The following GRIN2B variants were observed in gnomAD, a reference collection of about 807,000 sequenced individuals.
GRIN2B encodes glutamate receptor ionotropic, NMDA 2B.
GRIN2B carries 5 observed loss-of-function variants against 114.5 expected under a neutral mutation model. The observed-to-expected ratio is 0.04, with a 90% CI of 0.02 to 0.09. The LOEUF is 0.09. Ranked by LOEUF, GRIN2B falls within the 10% of genes least tolerant of loss-of-function variation. The pLI is 1.00. For missense variants in GRIN2B, 1,108 were observed against 1,943.5 expected, an observed-to-expected ratio of 0.57 and a Z score of 8.08; for synonymous variants, 787 against 745.1, an observed-to-expected ratio of 1.06 and a Z score of -0.92.
At chr12:13,645,140 T>A (rs1219538547) in intron 5 of GRIN2B, among the ~76,000 whole-genome samples, 1 of 152,130 alleles carries the variant, frequency 6.6e-6, no homozygotes, top group Non-Finnish European at 1.5e-5. Flanking sequence ...CTAAGCTTAA[T>A]CATTTCTAGC....
chr12:13,607,203 A>T (rs1343469239), intron 10 of GRIN2B, among the ~76,000 whole-genome samples: 1 of 109,330 alleles, frequency 9.1e-6, no homozygotes, highest in African/African-American at 3.7e-5. Flanking sequence ...AAATATATAT[A>T]ATATATAAAA....
chr12:13,735,430 C>A (rs1450205764), intron 4 of GRIN2B, among the ~76,000 whole-genome samples: 1 of 152,160 alleles, frequency 6.6e-6, no homozygotes, highest in Non-Finnish European at 1.5e-5. Context: ...GGGTCTCATT[C>A]CTTTGTGAAG....
rs962401026 is a variant in GRIN2B at position 13,589,351 on chromosome 12, G to C, written c.2011-17387C>G. ...TCCAAGTTGAACAAGGGGCTTACAA[G>C]GTGATTGAGGGTGGCAGTTTCTAGA... On this transcript the variant is annotated intron_variant, in intron 10 of 13. Coordinates refer to ENST00000609686, the MANE Select transcript of GRIN2B (RefSeq NM_000834.5). Among the ~76,000 whole-genome samples, 19 of 152,296 alleles carry C rather than the reference G, an allele frequency of 1.2e-4. No homozygotes were observed. In the East Asian group the frequency reaches 3.7e-3, roughly 29 times the overall value.
At chr12:13,891,250 G>A (rs1241877344) in intron 2 of GRIN2B, among the ~76,000 whole-genome samples, 1 of 152,042 alleles carries the variant, frequency 6.6e-6, no homozygotes. Flanking sequence ...CAAGACTCTG[G>A]CATTTTTCTT....
At chr12:13,726,922 TTCCAC>T (rs1863000668) in intron 4 of GRIN2B, among the ~76,000 whole-genome samples, 1 of 152,156 alleles carries the variant, frequency 6.6e-6, no homozygotes, top group Non-Finnish European at 1.5e-5. Flanking sequence ...CCGTTTGGTT[TTCCAC>T]TCCTGAGTAA....
chr12:13,797,768 A>G lies in GRIN2B; in HGVS notation c.412-43853T>C, dbSNP rs564315388. ...TATAAACAGACTTTACATAATCTTTATCCTTAGAAATCTTATAAAAAAGTG... is the reference window on the plus strand; with the variant it reads ...TATAAACAGACTTTACATAATCTTTGTCCTTAGAAATCTTATAAAAAAGTG... On this transcript the variant is annotated intron_variant, in intron 3 of 13. Coordinates refer to ENST00000609686, the MANE Select transcript of GRIN2B (RefSeq NM_000834.5). Among the ~76,000 whole-genome samples the G allele has an allele frequency of 2.0e-5, 3 of 152,350 alleles. No individual in the cohort carries two copies. The South Asian group carries it at 6.2e-4, about 32-fold the overall frequency.
intron 5 of GRIN2B, among the ~76,000 whole-genome samples, chr12:13,662,380 C>A (rs1006968245): frequency 1.3e-5 from 2 of 152,130 alleles, no homozygotes; most frequent in East Asian, 1.9e-4. Flanking sequence ...AGTGAAATTT[C>A]TTATGACAGC....
intron 3 of GRIN2B, among the ~76,000 whole-genome samples, chr12:13,856,725 G>A (rs1865666770): frequency 6.6e-6 from 1 of 151,906 alleles, no homozygotes; most frequent in African/African-American, 2.4e-5. Flanking sequence ...CCCTCAAATG[G>A]TGGTGCACCC....
chr12:13,833,048 G>A (rs188234904), intron 3 of GRIN2B, among the ~76,000 whole-genome samples: 108 of 152,274 alleles, frequency 7.1e-4, no homozygotes, highest in Non-Finnish European at 8.5e-4. Context: ...TCTGTATACT[G>A]GATGATATAC....
intron 4 of GRIN2B, among the ~76,000 whole-genome samples, chr12:13,695,861 G>A (rs1015722541): frequency 1.3e-5 from 2 of 152,072 alleles, no homozygotes; most frequent in East Asian, 1.9e-4. Flanking sequence ...CCCCAGTAGC[G>A]GAAATGATGA....
intron 10 of GRIN2B, among the ~76,000 whole-genome samples, chr12:13,573,158 G>T (rs1948727710): frequency 6.7e-6 from 1 of 149,482 alleles, no homozygotes; most frequent in Non-Finnish European, 1.5e-5. Flanking sequence ...TAATGCATAA[G>T]AAGTGCTTGG....
At chr12:13,691,356 A>G (rs1458105215) in intron 4 of GRIN2B, among the ~76,000 whole-genome samples, 1 of 145,632 alleles carries the variant, frequency 6.9e-6, no homozygotes, top group Non-Finnish European at 1.5e-5. Flanking sequence ...TGTAGATAAC[A>G]CCAGGACATG....
At chr12:13,902,726 A>G (rs7303885) in intron 2 of GRIN2B, among the ~76,000 whole-genome samples, 60,882 of 151,984 alleles carry the variant, frequency 0.4, 13,520 homozygotes, top group East Asian at 0.65. Context: ...CAGGAGAATC[A>G]CTTGAACCCG....
rs1418785838 is a variant in GRIN2B at position 13,559,442 on chromosome 12, G to T, written c.*3341C>A. On this transcript the variant is annotated 3_prime_UTR_variant, in exon 14 of 14. Transcript: ENST00000609686. ...TAGGAAAAGAAGTTCTATTTGTCTG[G>T]TTAACCCAAGGCCAGATTATGAACA... 6.6e-6 allele frequency: 1 copy of T among 152,138 alleles called. No individual in the cohort carries two copies. Among genetic ancestry groups the T allele is most frequent in the East Asian group, 1.9e-4 (1 of 5,182 alleles). The allele number at this position is 152,138 out of a possible 1,614,324, so 9.4% of individuals were successfully genotyped here. A position where few individuals can be genotyped will look rare whatever the true frequency, so the allele number is the denominator to read the frequency against.
At position 13,544,791 on chromosome 12, in the gene GRIN2B, C is replaced by T. The variant is rs544371662; in HGVS notation, c.*17992G>A. 6.6e-6 allele frequency: 1 copy of T among 152,236 alleles called. No homozygotes were observed. Among genetic ancestry groups the T allele is most frequent in the Non-Finnish European group, 1.5e-5 (1 of 68,054 alleles). The allele number at this position is 152,236 out of a possible 1,614,324, so 9.4% of individuals were successfully genotyped here. A position where few individuals can be genotyped will look rare whatever the true frequency, so the allele number is the denominator to read the frequency against. ...TGCTTCTTATCACCTCCCCTGCTAA[C>T]ATCATGGCCCAAGCAACTATGATCT... On this transcript the variant is annotated 3_prime_UTR_variant, in exon 14 of 14. Transcript: ENST00000609686.
At chr12:13,976,170 T>C (rs2136877665) in intron 2 of GRIN2B, among the ~76,000 whole-genome samples, 1 of 152,360 alleles carries the variant, frequency 6.6e-6, no homozygotes, top group East Asian at 1.9e-4. Context: ...AGCTTTGGCC[T>C]CCTTCTGGAA....
At chr12:13,866,291 G>A (rs990220186) in intron 2 of GRIN2B, 65 bp from the exon 3 acceptor site, 83 of 1,368,148 alleles carry the variant, frequency 6.1e-5, no homozygotes, top group Non-Finnish European at 7.8e-5. Context: ...CTTAGAAGAG[G>A]CTAGATACTG....
At chr12:13,758,270 T>A (rs183588489) in intron 3 of GRIN2B, among the ~76,000 whole-genome samples, 2 of 152,260 alleles carry the variant, frequency 1.3e-5, no homozygotes, top group African/African-American at 4.8e-5. Flanking sequence ...ATGGTGCTGA[T>A]CTCAAAAGCA....
intron 10 of GRIN2B, among the ~76,000 whole-genome samples, chr12:13,590,286 T>C (rs897770539): frequency 2.0e-5 from 3 of 152,050 alleles, no homozygotes; most frequent in Non-Finnish European, 2.9e-5. Flanking sequence ...GTTTGTTACA[T>C]AGGTATACAC....
Sources: allele counts gnomAD v4.1 joint callset (sites outside exome capture counted in the v4.1 genomes callset), GRCh38; gene constraint gnomAD v4.1.1; transcripts MANE v1.5; gene names NCBI Gene and HGNC (gene_info 2026-07-23, HGNC 2026-07-21).